The following RASSF4 variants were observed in gnomAD, a reference collection of about 807,000 sequenced individuals.
RASSF4 encodes ras association domain-containing protein 4.
RASSF4 carries 38 observed loss-of-function variants against 41.1 expected under a neutral mutation model. The ratio of observed to expected loss-of-function variants is 0.92; its 90% CI spans 0.71 to 1.21. The LOEUF is 1.21. Among genes scored for constraint, RASSF4 ranks in the 50% most tolerant of loss-of-function variants. The probability of loss-of-function intolerance (pLI) is 0.00; values close to 1 mark genes in which losing one functional copy is unlikely to be tolerated. For missense variants in RASSF4, 414 were observed against 419.4 expected, an observed-to-expected ratio of 0.99 and a Z score of 0.11; for synonymous variants, 179 against 163.4, an observed-to-expected ratio of 1.10 and a Z score of -0.73.
intron 3 of RASSF4, 123 bp from the exon 4 acceptor site, chr10:44,982,398 G>T: frequency 3.3e-6 from 4 of 1,227,278 alleles, no homozygotes; most frequent in East Asian, 2.4e-5. Context: ...CTTCCTGAGG[G>T]GATGGGGCCA....
intron 1 of RASSF4, among the ~76,000 whole-genome samples, chr10:44,960,511 G>C (rs1254072942): frequency 6.6e-6 from 1 of 152,140 alleles, no homozygotes; most frequent in Non-Finnish European, 1.5e-5. Flanking sequence ...CTTAGTCTCC[G>C]AAGGTCAGCC....
intron 3 of RASSF4, among the ~76,000 whole-genome samples, chr10:44,972,834 A>G (rs1275210368): frequency 1.3e-5 from 2 of 152,180 alleles, no homozygotes; most frequent in African/African-American, 4.8e-5. Context: ...CACTAGTCCT[A>G]GTCCTCCCTC....
intron 1 of RASSF4, among the ~76,000 whole-genome samples, chr10:44,968,088 G>A (rs1426519101): frequency 6.6e-6 from 1 of 152,164 alleles, no homozygotes; most frequent in Non-Finnish European, 1.5e-5. Context: ...TACAGAGGAA[G>A]GCAAGAGAAA....
intron 7 of RASSF4, 38 bp downstream of exon 7, chr10:44,989,413 A>G: frequency 7.0e-7 from 1 of 1,420,790 alleles, no homozygotes; most frequent in South Asian, 1.2e-5. Context: ...CCAGGATGCC[A>G]GTGGTCTGCT....
intron 2 of RASSF4, chr10:44,971,418 G>A: frequency 4.2e-6 from 2 of 476,964 alleles, no homozygotes; most frequent in South Asian, 3.3e-5. Context: ...CCAAAAGCAA[G>A]TCCAGGGCAT....
chr10:44,989,296 A>G lies in RASSF4; in HGVS notation c.554A>G (p.Tyr185Cys), dbSNP rs985026918. 1.9e-5 allele frequency: 30 copies of G among 1,613,554 alleles called. No individual in the cohort carries two copies. Among genetic ancestry groups the G allele is most frequent in the Non-Finnish European group, 2.3e-5 (27 of 1,179,606 alleles). Reference protein sequence around the residue: ...NHKTSVFTPAYGSVTNVRVNS... With the variant: ...NHKTSVFTPACGSVTNVRVNS... ...CAGACCTCCGTGTTTACTCCAGCCTATGGATCCGTGACCAATGTGAGGGTC... is the reference window on the plus strand; with the variant it reads ...CAGACCTCCGTGTTTACTCCAGCCTGTGGATCCGTGACCAATGTGAGGGTC... The change falls in exon 7 of 11, where the codon TAT (tyrosine) becomes TGT (cysteine). Residue 185 changes from tyrosine to cysteine, a missense_variant. By Grantham distance (194) the Tyr-to-Cys change is radical. Coordinates refer to ENST00000340258, the MANE Select transcript of RASSF4 (RefSeq NM_032023.4).
At chr10:44,961,436 G>T (rs970956211) in intron 1 of RASSF4, among the ~76,000 whole-genome samples, 6 of 152,236 alleles carry the variant, frequency 3.9e-5, no homozygotes, top group Admixed American at 3.9e-4. Flanking sequence ...TCAAAGGGGA[G>T]ACCTAACTAG....
chr10:44,967,559 G>A (rs1840952310), intron 1 of RASSF4, among the ~76,000 whole-genome samples: 3 of 152,250 alleles, frequency 2.0e-5, no homozygotes, highest in Admixed American at 2.0e-4. Context: ...ACCCCGTGAC[G>A]AATGTCCCTC....
intron 3 of RASSF4, 76 bp downstream of exon 3, chr10:44,971,924 A>G (rs1841187930): frequency 2.1e-6 from 2 of 975,394 alleles, no homozygotes; most frequent in Non-Finnish European, 3.2e-6. Context: ...GTTTCAGGGT[A>G]ATGATGAAGA....
Position 44,982,589 on chromosome 10 carries a change from G to A in RASSF4, c.207G>A (p.Leu69=). 1 of 1,612,962 alleles carries A rather than the reference G, an allele frequency of 6.2e-7. No homozygotes were observed. The highest frequency in any genetic ancestry group is 8.5e-7 in the Non-Finnish European group (1 of 1,179,382). The change falls in exon 4 of 11, where the codon CTG becomes CTA. Residue 69 remains leucine (L), a synonymous_variant. Coordinates refer to ENST00000340258, the MANE Select transcript of RASSF4 (RefSeq NM_032023.4). ...IAWGLRRPIR[L]QMQDDREQVH... ...GGGGGCTGAGGCGGCCCATCCGGCT[G>A]CAGATGCAGGATGACCGGGAGCAGG...
At chr10:44,990,850 T>C (rs1412896537) in intron 8 of RASSF4, 98 bp from the exon 9 acceptor site, 10 of 1,315,376 alleles carry the variant, frequency 7.6e-6, no homozygotes, top group Non-Finnish European at 1.1e-5. Flanking sequence ...TAGGGTTCCC[T>C]GCGCCCCTAG....
At chr10:44,965,921 C>A (rs1471657050) in intron 1 of RASSF4, among the ~76,000 whole-genome samples, 2 of 152,198 alleles carry the variant, frequency 1.3e-5, no homozygotes, top group African/African-American at 4.8e-5. Flanking sequence ...TGGTTGTGTC[C>A]TATAAATAAG....
rs773087724 is a variant in RASSF4 at position 44,989,225 on chromosome 10, C to A, written c.532-49C>A. On this transcript the variant is annotated intron_variant, in intron 6 of 10. Coordinates refer to ENST00000340258, the MANE Select transcript of RASSF4 (RefSeq NM_032023.4). Reference sequence around the variant, plus strand: ...TCTGTTCACCGTTGTGATGTCAGTCCCTTGTCCCCTCTGGGCCTGACCTGA... The same window carrying A: ...TCTGTTCACCGTTGTGATGTCAGTCACTTGTCCCCTCTGGGCCTGACCTGA... 5.0e-6 allele frequency: 6 copies of A among 1,209,912 alleles called. No individual in the cohort carries two copies. In the East Asian group the frequency reaches 1.4e-4, roughly 28 times the overall value. The allele number at this position is 1,209,912 out of a possible 1,614,324, so 74.9% of individuals were successfully genotyped here.
chr10:44,972,070 TC>T (rs1841195399), intron 3 of RASSF4, among the ~76,000 whole-genome samples: 1 of 152,170 alleles, frequency 6.6e-6, no homozygotes, highest in Admixed American at 6.5e-5. Flanking sequence ...GGTCAGTGCA[TC>T]CCTTCCAGAG....
At position 44,989,274 on chromosome 10, in the gene RASSF4, A is replaced by G. The variant is rs1411981681; in HGVS notation, c.532A>G (p.Thr178Ala). ...GAACTTCTCTCCCTTCCTGGTACAG[A>G]CCTCCGTGTTTACTCCAGCCTATGG... ...SINGHFYNHK[T>A]SVFTPAYGSV... The change falls in exon 7 of 11, where the codon ACC becomes GCC. Residue 178 changes from threonine to alanine, a missense_variant and splice_region_variant. Transcript: ENST00000340258. 6.2e-7 allele frequency: 1 copy of G among 1,607,606 alleles called. No homozygotes were observed. The highest frequency in any genetic ancestry group is 1.3e-5 in the African/African-American group (1 of 74,660).
At chr10:44,991,126 CGGGGCCTCCCA>C (rs1564469133) in intron 9 of RASSF4, 57 bp downstream of exon 9, 11 of 1,532,470 alleles carry the variant, frequency 7.2e-6, no homozygotes, top group Non-Finnish European at 9.7e-6. Flanking sequence ...TCTTGGGTGA[CGGGGCCTCCCA>C]AGGACTCCTG....
intron 1 of RASSF4, among the ~76,000 whole-genome samples, chr10:44,960,366 C>G (rs974594340): frequency 6.6e-6 from 1 of 152,218 alleles, no homozygotes; most frequent in East Asian, 1.9e-4. Context: ...GTCCTACTTT[C>G]GTTATCCCCT....
At chr10:44,964,020 C>T (rs1391965198) in intron 1 of RASSF4, among the ~76,000 whole-genome samples, 1 of 152,216 alleles carries the variant, frequency 6.6e-6, no homozygotes, top group Non-Finnish European at 1.5e-5. Flanking sequence ...AATTGGGCCC[C>T]GGGGGTGACT....
At chr10:44,988,182 A>C (rs1841987461) in intron 6 of RASSF4, among the ~76,000 whole-genome samples, 1 of 152,200 alleles carries the variant, frequency 6.6e-6, no homozygotes, top group Non-Finnish European at 1.5e-5. Flanking sequence ...CCTTTGAGTC[A>C]GGGCTCTGTC....
Sources: allele counts gnomAD v4.1 joint callset (sites outside exome capture counted in the v4.1 genomes callset), GRCh38; gene constraint gnomAD v4.1.1; transcripts MANE v1.5; gene names NCBI Gene and HGNC (gene_info 2026-07-23, HGNC 2026-07-21).